Variants in SV2B observed in about 807,000 individuals in gnomAD.
SV2B encodes solute carrier family 22 member B2.
SV2B carries 41 observed loss-of-function variants against 73.9 expected under a neutral mutation model. That is an observed-to-expected ratio of 0.56 (90% CI 0.43 to 0.72). The LOEUF is 0.72. Ranked by LOEUF, SV2B falls within the 30% of genes least tolerant of loss-of-function variation. SV2B has a pLI of 0.00. For synonymous variants in SV2B, 314 were observed against 314.2 expected (o/e 1.00, Z 0.01); for missense variants, 764 against 857.8 (o/e 0.89, Z 1.37).
intron 1 of SV2B, among the ~76,000 whole-genome samples, chr15:91,154,652 T>A (rs1053512512): frequency 5.3e-5 from 8 of 152,064 alleles, no homozygotes; most frequent in African/African-American, 1.9e-4. Flanking sequence ...CTGGTGTCCT[T>A]ATAAGAAAAG....
chr15:91,217,358 T>C (rs996502194), intron 1 of SV2B, among the ~76,000 whole-genome samples: 1 of 152,132 alleles, frequency 6.6e-6, no homozygotes, highest in Admixed American at 6.5e-5. Flanking sequence ...AATTCCAGTA[T>C]AATATGATAA....
Position 91,121,235 on chromosome 15 carries a change from C to T in SV2B, c.-392+20872C>T, listed in dbSNP as rs888775969. Among the ~76,000 whole-genome samples the T allele has an allele frequency of 2.0e-5, 3 of 152,112 alleles. No homozygotes were observed. The highest frequency in any genetic ancestry group is 6.8e-3 in the Middle Eastern group (2 of 294). ...GAGTCAAAGTTTTCTTCACCTCAGG[C>T]GAGTTTTTATCTAGTGCTGTGGTTC... is the stretch of plus-strand genomic sequence containing the variant. On this transcript the variant is annotated intron_variant, in intron 1 of 12. Transcript: ENST00000394232. This position sits in a 1 kb window ranked among gnomAD's most constrained non-coding sequence, Gnocchi z 4.4.
At chr15:91,186,086 A>G (rs180732953) in intron 1 of SV2B, among the ~76,000 whole-genome samples, 6 of 152,278 alleles carry the variant, frequency 3.9e-5, no homozygotes, top group African/African-American at 1.4e-4. Context: ...TCTTCTCTGA[A>G]TAGGGGTGTG....
At chr15:91,154,168 A>G (rs2043408312) in intron 1 of SV2B, among the ~76,000 whole-genome samples, 1 of 147,998 alleles carries the variant, frequency 6.8e-6, no homozygotes, top group Non-Finnish European at 1.5e-5. Context: ...ATTATATTAT[A>G]GATTATAAAT....
chr15:91,193,923 C>T (rs1272596214), intron 1 of SV2B, among the ~76,000 whole-genome samples: 2 of 152,012 alleles, frequency 1.3e-5, no homozygotes, highest in African/African-American at 2.4e-5. Flanking sequence ...ACGTTTTTAT[C>T]CTCTTTTTGT....
chr15:91,275,734 G>A (rs943339146), intron 9 of SV2B, among the ~76,000 whole-genome samples: 19 of 152,172 alleles, frequency 1.2e-4, no homozygotes, highest in African/African-American at 3.9e-4. Flanking sequence ...GCTGAGGCAC[G>A]AGAATTACTT....
chr15:91,153,245 C>G (rs1270194860), intron 1 of SV2B, among the ~76,000 whole-genome samples: 1 of 152,190 alleles, frequency 6.6e-6, no homozygotes, highest in African/African-American at 2.4e-5. Flanking sequence ...GGGTTAAGTT[C>G]CAACGTATGA....
At chr15:91,134,147 C>T (rs888293870) in intron 1 of SV2B, among the ~76,000 whole-genome samples, 1 of 151,776 alleles carries the variant, frequency 6.6e-6, no homozygotes, top group African/African-American at 2.4e-5. Flanking sequence ...TACAGGTGTG[C>T]ACCACCACGC....
At chr15:91,219,589 A>AT (rs1247690490) in intron 1 of SV2B, among the ~76,000 whole-genome samples, 1 of 152,118 alleles carries the variant, frequency 6.6e-6, no homozygotes, top group Non-Finnish European at 1.5e-5. Flanking sequence ...TAGGTTAAAT[A>AT]TTTTTTTGGG....
chr15:91,270,726 TG>T (rs1458998287), intron 9 of SV2B, among the ~76,000 whole-genome samples: 1 of 150,844 alleles, frequency 6.6e-6, no homozygotes, highest in African/African-American at 2.4e-5. Flanking sequence ...AGCAAACTGC[TG>T]GGTGGGAGTG....
chr15:91,248,679 A>G (rs1373337885), intron 2 of SV2B, among the ~76,000 whole-genome samples: 1 of 152,114 alleles, frequency 6.6e-6, no homozygotes, highest in African/African-American at 2.4e-5. Flanking sequence ...CTTGCTACTC[A>G]AAGTGTGGTC....
chr15:91,258,578 G>T lies in SV2B; in HGVS notation c.918+24G>T. 6.2e-7 allele frequency: 1 copy of T among 1,612,320 alleles called. No individual in the cohort carries two copies. The highest frequency in any genetic ancestry group is 8.5e-7 in the Non-Finnish European group (1 of 1,179,276). The stretch of plus-strand genomic sequence containing the variant: ...AGGTGAGTCAGTGCTTTTCCACCAG[G>T]GGGAGAGTGACAAAACAGCCACAGG... On this transcript the variant is annotated intron_variant, in intron 5 of 12. Coordinates refer to ENST00000394232, the MANE Select transcript of SV2B (RefSeq NM_001323032.3). This position sits in a 1 kb window ranked among gnomAD's most constrained non-coding sequence, Gnocchi z 4.7.
chr15:91,188,063 T>G (rs536747967), intron 1 of SV2B, among the ~76,000 whole-genome samples: 1 of 152,204 alleles, frequency 6.6e-6, no homozygotes, highest in South Asian at 2.1e-4. Flanking sequence ...ATTTTTCATT[T>G]AATTATTTTT....
intron 1 of SV2B, among the ~76,000 whole-genome samples, chr15:91,217,422 G>T (rs912073306): frequency 3.9e-5 from 6 of 152,220 alleles, no homozygotes; most frequent in African/African-American, 1.2e-4. Flanking sequence ...TGAACGTTTG[G>T]GGGGAGGGGG....
At chr15:91,188,091 A>G (rs1481725043) in intron 1 of SV2B, among the ~76,000 whole-genome samples, 1 of 151,912 alleles carries the variant, frequency 6.6e-6, no homozygotes, top group Non-Finnish European at 1.5e-5. Flanking sequence ...TTTATCCATA[A>G]GTTTTTCTAT....
intron 1 of SV2B, among the ~76,000 whole-genome samples, chr15:91,155,456 G>A (rs1596487612): frequency 6.6e-6 from 1 of 152,262 alleles, no homozygotes; most frequent in East Asian, 1.9e-4. Flanking sequence ...TTTATTCAAT[G>A]TTTACCTAGA....
rs147256502 is a variant in SV2B at position 91,251,152 on chromosome 15, T to C, written c.452-667T>C. On this transcript the variant is annotated intron_variant, in intron 2 of 12. Coordinates refer to ENST00000394232, the MANE Select transcript of SV2B (RefSeq NM_001323032.3). ...AGAGCTTAGAAATAAATTCACACAT[T>C]TATGGCCAATTGATTTCCAACAAAA... Among the ~76,000 whole-genome samples, 9 of 152,298 alleles carry C rather than the reference T, an allele frequency of 5.9e-5. No individual in the cohort carries two copies. In the East Asian group the frequency reaches 1.7e-3, roughly 29 times the overall value.
At position 91,267,710 on chromosome 15, in the gene SV2B, AT is replaced by A; in HGVS notation, c.1208+69del. 1 of 1,261,656 alleles carries A rather than the reference AT, an allele frequency of 7.9e-7. No homozygotes were observed. Among genetic ancestry groups the A allele is most frequent in the Non-Finnish European group, 1.1e-6 (1 of 878,520 alleles). 78.2% of individuals were successfully genotyped at this position (1,261,656 alleles called of 1,614,324 possible). ...CAGTGGCCTCCTTTACACATTGAGG[AT>A]TACAGTGAGTTCTGACTTAGAATTT... On this transcript the variant is annotated intron_variant, in intron 8 of 12. Coordinates refer to ENST00000394232, the MANE Select transcript of SV2B (RefSeq NM_001323032.3). The surrounding 1 kb of genome is among the most constrained non-coding windows in gnomAD (Gnocchi z 4.3).
intron 1 of SV2B, among the ~76,000 whole-genome samples, chr15:91,151,693 G>C (rs555653890): frequency 1.4e-4 from 21 of 152,308 alleles, no homozygotes; most frequent in African/African-American, 4.8e-4. Flanking sequence ...CCATTTCCTT[G>C]GAAATGACAA....
Sources: gnomAD v4.1 joint callset for allele counts (sites outside exome capture counted in the v4.1 genomes callset) on GRCh38, gnomAD v4.1.1 for gene constraint, Gnocchi (gnomAD v3.1) non-coding constraint, MANE v1.5 for transcripts, NCBI Gene and HGNC (gene_info 2026-07-23, HGNC 2026-07-21) for gene names.